UGT1A5: variants seen among roughly 807,000 people sequenced by gnomAD.
The protein encoded by UGT1A5 is UDP-glucuronosyltransferase 1A5.
A neutral mutation model predicts 40.3 loss-of-function variants in UGT1A5; 29 were observed. The ratio of observed to expected loss-of-function variants is 0.72; its 90% CI spans 0.54 to 0.98. UGT1A5 has a LOEUF of 0.98. Ranked by LOEUF, UGT1A5 falls within the 50% of genes least tolerant of loss-of-function variation. UGT1A5 has a pLI of 0.00. For synonymous variants in UGT1A5, 257 were observed against 262.5 expected (o/e 0.98, Z 0.20); for missense variants, 678 against 677.9 (o/e 1.00, Z 0.00).
At chr2:233,724,187 G>T (rs1459882110) in intron 1 of UGT1A5, among the ~76,000 whole-genome samples, 6 of 123,410 alleles carry the variant, frequency 4.9e-5, no homozygotes, top group African/African-American at 1.1e-4. Flanking sequence ...CCTCCCGGAC[G>T]GGGTGGCTGG....
intron 1 of UGT1A5, among the ~76,000 whole-genome samples, chr2:233,715,364 AT>A (rs1460416152): frequency 6.7e-6 from 1 of 149,952 alleles, no homozygotes; most frequent in African/African-American, 2.4e-5. Context: ...TGAGACTTAT[AT>A]TTTCTTCACA....
chr2:233,748,133 A>G (rs1199962839), intron 1 of UGT1A5: 2 of 1,609,694 alleles, frequency 1.2e-6, no homozygotes, highest in Non-Finnish European at 1.7e-6. Context: ...AGTTTTTAAA[A>G]ATTGTATTTA....
intron 1 of UGT1A5, chr2:233,760,277 G>T: frequency 6.2e-7 from 1 of 1,612,686 alleles, no homozygotes. Context: ...TCTGGCAGGA[G>T]CAAAGGCGCC....
intron 1 of UGT1A5, among the ~76,000 whole-genome samples, chr2:233,751,262 C>A (rs1474286955): frequency 1.3e-5 from 2 of 151,906 alleles, no homozygotes; most frequent in Non-Finnish European, 2.9e-5. Flanking sequence ...GCCTGTAGCC[C>A]CCTTTTTTTG....
intron 1 of UGT1A5, chr2:233,761,049 G>A (rs1344319848): frequency 1.2e-6 from 2 of 1,614,174 alleles, no homozygotes; most frequent in Non-Finnish European, 1.7e-6. Flanking sequence ...CATCTGTCTG[G>A]CTGTTTAGAA....
At chr2:233,746,305 A>G (rs1693353993) in intron 1 of UGT1A5, among the ~76,000 whole-genome samples, 1 of 151,774 alleles carries the variant, frequency 6.6e-6, no homozygotes, top group Non-Finnish European at 1.5e-5. Context: ...TTTCCCTTGG[A>G]GGGCCCTGTA....
chr2:233,743,731 G>T (rs373030535), intron 1 of UGT1A5: 5 of 1,367,244 alleles, frequency 3.7e-6, no homozygotes, highest in African/African-American at 3.0e-5. Context: ...CATAGATATC[G>T]CGTTTCTTGG....
chr2:233,719,347 T>C, intron 1 of UGT1A5: 1 of 1,613,896 alleles, frequency 6.2e-7, no homozygotes, highest in Non-Finnish European at 8.5e-7. Flanking sequence ...TGGAGGTACA[T>C]TCCATGTGAC....
chr2:233,763,622 CTT>C (rs1698359948), intron 1 of UGT1A5, among the ~76,000 whole-genome samples: 1 of 152,186 alleles, frequency 6.6e-6, no homozygotes, highest in Non-Finnish European at 1.5e-5. Context: ...TACCATTCCT[CTT>C]GTGTTGATGG....
At chr2:233,749,107 C>T (rs2125896789) in intron 1 of UGT1A5, among the ~76,000 whole-genome samples, 1 of 151,856 alleles carries the variant, frequency 6.6e-6, no homozygotes, top group Non-Finnish European at 1.5e-5. Flanking sequence ...GAGAATTCAG[C>T]CTTTTTATGT....
chr2:233,746,054 T>C (rs1380596465), intron 1 of UGT1A5, among the ~76,000 whole-genome samples: 1 of 151,656 alleles, frequency 6.6e-6, no homozygotes, highest in Non-Finnish European at 1.5e-5. Flanking sequence ...ATGCAGGGTC[T>C]AGAACGAAAA....
chr2:233,718,056 A>T (rs1203878997), intron 1 of UGT1A5: 5 of 356,546 alleles, frequency 1.4e-5, no homozygotes, highest in Non-Finnish European at 2.8e-5. Flanking sequence ...CCCTGAACCC[A>T]CCGTGGGTCC....
intron 1 of UGT1A5, chr2:233,760,643 ACT>A: frequency 6.2e-7 from 1 of 1,614,148 alleles, no homozygotes; most frequent in Non-Finnish European, 8.5e-7. Context: ...ATAAAAAAGG[ACT>A]CTGCTATGCT....
intron 4 of UGT1A5, 146 bp from the exon 5 acceptor site, chr2:233,772,116 A>C (rs1430946734): frequency 1.3e-6 from 2 of 1,531,304 alleles, no homozygotes; most frequent in Non-Finnish European, 1.8e-6. Flanking sequence ...CTGTATCTAA[A>C]AACAACAACA....
chr2:233,771,969 G>T (rs1040138861), intron 4 of UGT1A5, among the ~76,000 whole-genome samples: 1 of 152,096 alleles, frequency 6.6e-6, no homozygotes, highest in Non-Finnish European at 1.5e-5. Context: ...TTAAAAATTG[G>T]CCAGACATAG....
intron 2 of UGT1A5, 51 bp from the exon 3 acceptor site, chr2:233,767,798 C>G (rs1319499928): frequency 6.2e-7 from 1 of 1,614,062 alleles, no homozygotes; most frequent in Admixed American, 1.7e-5. Context: ...GATTTGTTTT[C>G]TAATCATATT....
chr2:233,760,441 C>T (rs2125984132), intron 1 of UGT1A5: 2 of 1,614,208 alleles, frequency 1.2e-6, no homozygotes, highest in Non-Finnish European at 1.7e-6. Flanking sequence ...GCAGCTGCAG[C>T]AGAGGGGACA....
Position 233,769,516 on chromosome 2 carries a change from G to C in UGT1A5, c.1307+1077G>C. 1 of 1,612,814 alleles carries C rather than the reference G, an allele frequency of 6.2e-7. No individual in the cohort carries two copies. Reference sequence around the variant, plus strand: ...GAGAGTGTCCATTGCTTTCTCCCATGGTTACCTCCTTTAGAAAGAAGCAGC... The same window carrying C: ...GAGAGTGTCCATTGCTTTCTCCCATCGTTACCTCCTTTAGAAAGAAGCAGC... On this transcript the variant is annotated intron_variant, in intron 4 of 4. Coordinates refer to ENST00000373414, the MANE Select transcript of UGT1A5 (RefSeq NM_019078.2). The surrounding 1 kb of genome is among the most constrained non-coding windows in gnomAD (Gnocchi z 4.4).
At chr2:233,734,411 C>T (rs1003514733) in intron 1 of UGT1A5, among the ~76,000 whole-genome samples, 1 of 152,010 alleles carries the variant, frequency 6.6e-6, no homozygotes, top group Admixed American at 6.6e-5. Context: ...TGATTCTTCT[C>T]TCTTTTCTTC....
Sources: allele counts gnomAD v4.1 joint callset (sites outside exome capture counted in the v4.1 genomes callset), GRCh38; gene constraint gnomAD v4.1.1; non-coding constraint Gnocchi (gnomAD v3.1); transcripts MANE v1.5; gene names NCBI Gene and HGNC (gene_info 2026-07-23, HGNC 2026-07-21).